TTC4: variants seen among roughly 807,000 people sequenced by gnomAD.
TTC4 encodes the protein hsp70/Hsp90 co-chaperone CNS1 homolog.
TTC4 carries 36 observed loss-of-function variants against 51.9 expected under a neutral mutation model. That is an observed-to-expected ratio of 0.69 (90% CI 0.53 to 0.92). The LOEUF (loss-of-function observed/expected upper bound fraction) is 0.92. TTC4 is among the 40% of genes least tolerant of loss of function. The pLI, the probability that TTC4 is intolerant of heterozygous loss-of-function variation, is 0.00. For missense variants in TTC4, 399 were observed against 454.6 expected (o/e 0.88, Z 1.11); for synonymous variants, 144 against 164.2 (o/e 0.88, Z 0.94).
At chr1:54,717,777 T>C in intron 3 of TTC4, 124 bp downstream of exon 3, 1 of 868,092 alleles carries the variant, frequency 1.2e-6, no homozygotes, top group South Asian at 3.5e-5. Context: ...AAGGATAGTT[T>C]ACTCTGATTG....
Position 54,736,268 on chromosome 1 carries a change from G to GTGTGTA in TTC4, c.979-1314_979-1313insTGTGTA, listed in dbSNP as rs1557753179. Reference sequence around the variant, plus strand: ...AGAGGAGAGAGGAGAGAGAGAGAGAGAGACCATGAAGTCTCATTGGTATCT... The same window carrying GTGTGTA: ...AGAGGAGAGAGGAGAGAGAGAGAGAGTGTGTAAGACCATGAAGTCTCATTGGTATCT... On this transcript the variant is annotated intron_variant, in intron 8 of 9. Coordinates refer to ENST00000371281, the MANE Select transcript of TTC4 (RefSeq NM_004623.5). 1.5e-3 allele frequency among the ~76,000 whole-genome samples: 181 copies of GTGTGTA among 118,034 alleles called. 10 individuals carry two copies. The highest frequency in any genetic ancestry group is 6.9e-3 in the African/African-American group (166 of 23,944). 77.4% of individuals were successfully genotyped at this position (118,034 alleles called of 152,430 possible).
intron 6 of TTC4, 137 bp downstream of exon 6, chr1:54,728,569 A>G (rs1258533095): frequency 1.2e-6 from 1 of 841,652 alleles, no homozygotes; most frequent in African/African-American, 1.7e-5. Flanking sequence ...GCAGTGTGAC[A>G]GAGGAGACCA....
intron 8 of TTC4, among the ~76,000 whole-genome samples, chr1:54,736,514 G>C (rs1013428743): frequency 9.9e-5 from 15 of 151,942 alleles, no homozygotes; most frequent in African/African-American, 3.6e-4. Flanking sequence ...GGGACCACAG[G>C]CGTTTGCCAC....
At chr1:54,717,810 A>T (rs576898697) in intron 3 of TTC4, 157 bp downstream of exon 3, 5 of 638,530 alleles carry the variant, frequency 7.8e-6, no homozygotes, top group Non-Finnish European at 1.2e-5. Context: ...CCAAGTTGAC[A>T]TGATGAAAAG....
At chr1:54,733,561 C>T (rs1645895658) in intron 7 of TTC4, 68 bp from the exon 8 acceptor site, 2 of 1,298,602 alleles carry the variant, frequency 1.5e-6, no homozygotes, top group Admixed American at 4.2e-5. Context: ...GAATTAGTGT[C>T]TGGGGACCGA....
chr1:54,740,015 GTC>G (rs1462376145), intron 9 of TTC4, among the ~76,000 whole-genome samples: 2 of 152,118 alleles, frequency 1.3e-5, no homozygotes, highest in Non-Finnish European at 2.9e-5. Context: ...GCGAGATCCC[GTC>G]TCTATAGAAA....
chr1:54,728,449 T>C lies in TTC4; in HGVS notation c.681+17T>C, dbSNP rs758311146. ...GCCATCAAGGTGAGTTCTTAAACCT[T>C]AGGTTTTTATGGTCCTGCTAAATCC... On this transcript the variant is annotated intron_variant, in intron 6 of 9. Coordinates refer to ENST00000371281, the MANE Select transcript of TTC4 (RefSeq NM_004623.5). 2 of 1,606,960 alleles carry C rather than the reference T, an allele frequency of 1.2e-6. No homozygotes were observed. Among genetic ancestry groups the C allele is most frequent in the Non-Finnish European group, 1.7e-6 (2 of 1,175,540 alleles).
intron 5 of TTC4, among the ~76,000 whole-genome samples, chr1:54,727,688 CAAAA>C (rs200521894): frequency 4.6e-5 from 2 of 43,600 alleles, no homozygotes; most frequent in African/African-American, 1.1e-4. Flanking sequence ...CTCATCTCTA[CAAAA>C]AAAAAAAAAA....
chr1:54,738,536 G>C (rs1371531043), intron 9 of TTC4, among the ~76,000 whole-genome samples: 1 of 152,280 alleles, frequency 6.6e-6, no homozygotes, highest in Non-Finnish European at 1.5e-5. Context: ...GGTCAAACAG[G>C]CTCCAGTGTG....
At chr1:54,726,653 C>CA (rs1196750823) in intron 5 of TTC4, among the ~76,000 whole-genome samples, 1 of 151,988 alleles carries the variant, frequency 6.6e-6, no homozygotes, top group Non-Finnish European at 1.5e-5. Context: ...TCTAAAAATA[C>CA]AAAAAACATT....
intron 6 of TTC4, among the ~76,000 whole-genome samples, chr1:54,731,224 T>TG (rs139896225): frequency 0.041 from 6,149 of 151,784 alleles, 415 homozygotes; most frequent in African/African-American, 0.14. Flanking sequence ...TGGTGTTTTT[T>TG]TTTGTTTGTT....
In TTC4 at chr1:54,715,918, C is replaced by T. The variant is rs1205093773; in HGVS notation, c.10C>T (p.Pro4Ser). ...AGGCAGGGCATCAGCTATGGAACAACCTGGGCAGGATCCCACCTCAGACGA... is the reference window on the plus strand; with the variant it reads ...AGGCAGGGCATCAGCTATGGAACAATCTGGGCAGGATCCCACCTCAGACGA... MEQ[P>S]GQDPTSDDVM... The change falls in exon 1 of 10, where the codon CCT becomes TCT. Residue 4 changes from proline to serine, a missense_variant. Physicochemically the swap from Pro to Ser is moderately conservative, Grantham distance 74. Around this residue, in one of 3 missense-constraint regions of TTC4, gnomAD observed 316 missense variants for 349.6 expected, o/e 0.90. Transcript: ENST00000371281. 6.2e-7 allele frequency: 1 copy of T among 1,604,990 alleles called. No homozygotes were observed. Among genetic ancestry groups the T allele is most frequent in the African/African-American group, 1.4e-5 (1 of 73,756 alleles).
intron 6 of TTC4, among the ~76,000 whole-genome samples, chr1:54,729,137 G>T (rs1423490177): frequency 6.6e-6 from 1 of 152,154 alleles, no homozygotes; most frequent in Non-Finnish European, 1.5e-5. Context: ...CATTGAGATG[G>T]GTGCTAACTC....
chr1:54,725,581 C>G (rs1206262732), intron 5 of TTC4, among the ~76,000 whole-genome samples: 1 of 152,150 alleles, frequency 6.6e-6, no homozygotes, highest in South Asian at 2.1e-4. Context: ...AACATGTACA[C>G]AAAGCCTCTT....
At chr1:54,720,767 T>C (rs1227802586) in intron 3 of TTC4, among the ~76,000 whole-genome samples, 1 of 152,228 alleles carries the variant, frequency 6.6e-6, no homozygotes, top group East Asian at 1.9e-4. Context: ...GTATTTTTGA[T>C]AATTTTCCAG....
intron 5 of TTC4, among the ~76,000 whole-genome samples, chr1:54,726,335 G>A (rs1251547683): frequency 1.3e-5 from 2 of 152,202 alleles, no homozygotes; most frequent in African/African-American, 2.4e-5. Flanking sequence ...GAAAAAGACT[G>A]TAAGAATTCT....
intron 6 of TTC4, among the ~76,000 whole-genome samples, chr1:54,729,748 G>C (rs1385772300): frequency 6.6e-6 from 1 of 150,548 alleles, no homozygotes; most frequent in African/African-American, 2.4e-5. Flanking sequence ...TTTTGAGATG[G>C]AATGTCTCTC....
chr1:54,719,206 G>A (rs72908002), intron 3 of TTC4, among the ~76,000 whole-genome samples: 1,955 of 146,394 alleles, frequency 0.013, 44 homozygotes, highest in African/African-American at 0.049. Flanking sequence ...GAGGGGTAAG[G>A]AATATGGGAC....
At chr1:54,724,548 C>T (rs1232158597) in intron 5 of TTC4, among the ~76,000 whole-genome samples, 2 of 152,134 alleles carry the variant, frequency 1.3e-5, no homozygotes, top group African/African-American at 4.8e-5. Context: ...GCTAGAATTA[C>T]AGGCATGAGC....
Sources: gnomAD v4.1 joint callset for allele counts (sites outside exome capture counted in the v4.1 genomes callset) on GRCh38, gnomAD v4.1.1 for gene constraint, gnomAD v4.1.1 regional missense constraint, MANE v1.5 for transcripts, NCBI Gene and HGNC (gene_info 2026-07-23, HGNC 2026-07-21) for gene names.